The following FRZB variants were observed in gnomAD, a reference collection of about 807,000 sequenced individuals.
The protein encoded by FRZB is frizzled related protein, also known as secreted frizzled-related protein 3.
A neutral mutation model predicts 32.5 loss-of-function variants in FRZB; 34 were observed. The observed-to-expected ratio is 1.05, with a 90% CI of 0.80 to 1.39. The LOEUF is 1.39. Ranked by LOEUF, FRZB falls within the 40% of genes most tolerant of loss-of-function variation. FRZB has a pLI of 0.00. For missense variants in FRZB, 423 were observed against 424.8 expected (o/e 1.00, Z 0.04); for synonymous variants, 170 against 159.2 (o/e 1.07, Z -0.51).
At chr2:182,855,833 C>A (rs1695762129) in intron 2 of FRZB, among the ~76,000 whole-genome samples, 1 of 151,862 alleles carries the variant, frequency 6.6e-6, no homozygotes, top group African/African-American at 2.4e-5. Flanking sequence ...AATCAATGCC[C>A]AGACATGTAA....
chr2:182,843,080 G>A (rs12476544), intron 2 of FRZB, among the ~76,000 whole-genome samples: 69,325 of 152,048 alleles, frequency 0.46, 17,371 homozygotes, highest in Non-Finnish European at 0.56. Context: ...AAGAGGGGCA[G>A]TGAGCCCCTT....
intron 1 of FRZB, among the ~76,000 whole-genome samples, chr2:182,863,483 A>G (rs1267362093): frequency 2.6e-5 from 4 of 152,394 alleles, no homozygotes; most frequent in Admixed American, 2.6e-4. Flanking sequence ...CTGCTTTGTA[A>G]AAGGTCCTAA....
chr2:182,850,178 T>C (rs375415546), intron 2 of FRZB, among the ~76,000 whole-genome samples: 11 of 83,990 alleles, frequency 1.3e-4, no homozygotes, highest in African/African-American at 5.4e-4. Context: ...AATGTGTAAA[T>C]ATCAAGTTAT....
chr2:182,858,918 T>G, intron 1 of FRZB, 85 bp from the exon 2 acceptor site: 2 of 1,132,412 alleles, frequency 1.8e-6, no homozygotes, highest in Non-Finnish European at 2.6e-6. Context: ...GTCACAAGTT[T>G]GATTTGGGTA....
At chr2:182,856,135 A>T (rs941691298) in intron 2 of FRZB, among the ~76,000 whole-genome samples, 1 of 152,018 alleles carries the variant, frequency 6.6e-6, no homozygotes, top group Non-Finnish European at 1.5e-5. Flanking sequence ...AGTACAAAAA[A>T]TACTTAAGAA....
chr2:182,848,682 C>T (rs1433617908), intron 2 of FRZB, among the ~76,000 whole-genome samples: 1 of 152,096 alleles, frequency 6.6e-6, no homozygotes, highest in Admixed American at 6.5e-5. Flanking sequence ...AAACTAGGAA[C>T]CATATAGAAG....
chr2:182,838,013 T>G lies in FRZB; in HGVS notation c.798-2A>C. On this transcript the variant is annotated splice_acceptor_variant, in intron 4 of 5. Coordinates refer to ENST00000295113, the MANE Select transcript of FRZB (RefSeq NM_001463.4). LOFTEE classifies it high-confidence loss of function. ...ATAGAGCCTTCCACCAAGAGTAATC[T>G]GTATTTTTGAAAGAAGCAAACATTT... 1.9e-6 allele frequency: 3 copies of G among 1,608,968 alleles called. No homozygotes were observed. The highest frequency in any genetic ancestry group is 2.5e-6 in the Non-Finnish European group (3 of 1,177,384).
intron 1 of FRZB, among the ~76,000 whole-genome samples, chr2:182,860,535 C>T (rs927991788): frequency 6.6e-6 from 1 of 151,908 alleles, no homozygotes; most frequent in African/African-American, 2.4e-5. Flanking sequence ...GCATGTGATA[C>T]CTATTGAGTG....
At chr2:182,862,096 A>G (rs1280613917) in intron 1 of FRZB, among the ~76,000 whole-genome samples, 1 of 152,194 alleles carries the variant, frequency 6.6e-6, no homozygotes, top group Non-Finnish European at 1.5e-5. Context: ...TGGCCCCTCA[A>G]ATATTTGTAG....
At chr2:182,847,737 G>A (rs148979051) in intron 2 of FRZB, among the ~76,000 whole-genome samples, 1 of 152,282 alleles carries the variant, frequency 6.6e-6, no homozygotes, top group Non-Finnish European at 1.5e-5. Context: ...GCAGGATGTG[G>A]GCATGTAAGC....
rs1272152161 is a variant in FRZB, at chr2:182,834,942, A to G, written c.885T>C (p.His295=). The G allele has an allele frequency of 6.2e-7, 1 of 1,612,974 alleles. No individual in the cohort carries two copies. Among genetic ancestry groups the G allele is most frequent in the African/African-American group, 1.3e-5 (1 of 74,846 alleles). ...KVKRWDMKLR[H]LGLSKSDSSN... The stretch of plus-strand genomic sequence containing the variant: ...TAGAATCACTTTTACTGAGTCCAAG[A>G]TGACGAAGCTTCATATCCCAGCGCT... Residue 295 remains histidine, a synonymous_variant, in exon 6 of 6, where the codon CAT becomes CAC. Transcript: ENST00000295113.
chr2:182,840,017 C>A (rs1695570349), intron 3 of FRZB, among the ~76,000 whole-genome samples: 1 of 152,052 alleles, frequency 6.6e-6, no homozygotes. Context: ...TCTACCAGTA[C>A]AACACACATG....
At chr2:182,858,692 G>C in intron 2 of FRZB, 94 bp downstream of exon 2, 2 of 840,730 alleles carry the variant, frequency 2.4e-6, no homozygotes, top group Non-Finnish European at 3.8e-6. Flanking sequence ...AAAATGTAGG[G>C]CACAAGCTTC....
chr2:182,854,799 C>G (rs553480847), intron 2 of FRZB, among the ~76,000 whole-genome samples: 90 of 152,270 alleles, frequency 5.9e-4, no homozygotes, highest in African/African-American at 2.1e-3. Flanking sequence ...GGAGCAGTCA[C>G]AAGAAGCAAA....
chr2:182,866,620 G>T lies in FRZB; in HGVS notation c.-68C>A. ...CCAAAAGGCCCGCTCCGCCGTCTCCGCCTCCCCCGCTGCAAGTGGACACAA... is the reference window on the plus strand; with the variant it reads ...CCAAAAGGCCCGCTCCGCCGTCTCCTCCTCCCCCGCTGCAAGTGGACACAA... On this transcript the variant is annotated 5_prime_UTR_variant, in exon 1 of 6. Coordinates refer to ENST00000295113, the MANE Select transcript of FRZB (RefSeq NM_001463.4). The surrounding 1 kb of genome is among the most constrained non-coding windows in gnomAD (Gnocchi z 4.5). 1 of 1,122,024 alleles carries T rather than the reference G, an allele frequency of 8.9e-7. No individual in the cohort carries two copies. 69.5% of individuals were successfully genotyped at this position (1,122,024 alleles called of 1,614,324 possible).
chr2:182,853,398 T>C (rs1485148822), intron 2 of FRZB, among the ~76,000 whole-genome samples: 1 of 152,194 alleles, frequency 6.6e-6, no homozygotes, highest in Non-Finnish European at 1.5e-5. Flanking sequence ...CCAGAAATTT[T>C]GACCCACCAA....
intron 2 of FRZB, among the ~76,000 whole-genome samples, chr2:182,844,450 G>T (rs571300156): frequency 6.6e-6 from 1 of 152,026 alleles, no homozygotes. Flanking sequence ...TTCTGAAGAC[G>T]TAAATTTTAT....
Position 182,838,679 on chromosome 2 carries a change from G to T in FRZB, c.593-66C>A, listed in dbSNP as rs565076041. The T allele has an allele frequency of 1.8e-5, 23 of 1,261,398 alleles. No homozygotes were observed. In the East Asian group the frequency reaches 4.4e-4, roughly 24 times the overall value. 78.1% of individuals were successfully genotyped at this position (1,261,398 alleles called of 1,614,324 possible). A position where few individuals can be genotyped will look rare whatever the true frequency, so the allele number is the denominator to read the frequency against. On this transcript the variant is annotated intron_variant, in intron 3 of 5. Coordinates refer to ENST00000295113, the MANE Select transcript of FRZB (RefSeq NM_001463.4). ...ATAATAGCTACCCCATTCAAAAAAA[G>T]CCAAAGTAGGCTTCTCTTTAGTTAA...
chr2:182,858,765 G>A, intron 2 of FRZB, 21 bp downstream of exon 2: 1 of 1,580,084 alleles, frequency 6.3e-7, no homozygotes, highest in Non-Finnish European at 8.7e-7. Context: ...ATGAAAACCA[G>A]GAAGATAATG....
Sources: allele counts gnomAD v4.1 joint callset (sites outside exome capture counted in the v4.1 genomes callset), GRCh38; gene constraint gnomAD v4.1.1; non-coding constraint Gnocchi (gnomAD v3.1); transcripts MANE v1.5; gene names NCBI Gene and HGNC (gene_info 2026-07-23, HGNC 2026-07-21).